Variants in NCAM2 observed in about 807,000 individuals in gnomAD.
The protein encoded by NCAM2 is neural cell adhesion molecule 2, also known as N-CAM-2.
A neutral mutation model predicts 98.1 loss-of-function variants in NCAM2; 30 were observed. That is an observed-to-expected ratio of 0.31 (90% confidence interval 0.23 to 0.41). NCAM2 has a LOEUF of 0.41. NCAM2 is among the 10% of genes least tolerant of loss of function. NCAM2 has a pLI of 1.00. For synonymous variants in NCAM2, 368 were observed against 342.4 expected (o/e 1.07, Z -0.83); for missense variants, 867 against 1,005.8 (o/e 0.86, Z 1.87).
rs1482525617 is a variant in NCAM2, at chr21:21,509,192, G to A, written c.2282+137G>A. The A allele has an allele frequency of 1.3e-5, 9 of 702,556 alleles. No homozygotes were observed. The East Asian group carries it at 1.9e-4, about 15-fold the overall frequency. The allele number at this position is 702,556 out of a possible 1,614,324, so 43.5% of individuals were successfully genotyped here. On this transcript the variant is annotated intron_variant, in intron 16 of 17. Coordinates refer to ENST00000400546, the MANE Select transcript of NCAM2 (RefSeq NM_004540.5). ...TGCAACATTGGACACTGCACTGCCT[G>A]CTCTCTGACCTTGAAACTATGTATC...
chr21:21,424,469 T>C (rs1370672614), intron 11 of NCAM2, among the ~76,000 whole-genome samples: 1 of 152,100 alleles, frequency 6.6e-6, no homozygotes, highest in Non-Finnish European at 1.5e-5. Context: ...GAATTCTGAT[T>C]GGAGTTCTTG....
chr21:21,161,233 C>G (rs1023282784), intron 1 of NCAM2, among the ~76,000 whole-genome samples: 3 of 151,300 alleles, frequency 2.0e-5, no homozygotes, highest in Non-Finnish European at 1.5e-5. Flanking sequence ...ATTAGGGAAA[C>G]CAATGATTAT....
intron 1 of NCAM2, among the ~76,000 whole-genome samples, chr21:21,205,042 A>T (rs1289912786): frequency 2.6e-5 from 4 of 152,146 alleles, no homozygotes; most frequent in Non-Finnish European, 4.4e-5. Context: ...ATATATATAT[A>T]TATGCAAGTG....
chr21:21,221,725 G>A (rs1042444319), intron 1 of NCAM2, among the ~76,000 whole-genome samples: 3 of 152,278 alleles, frequency 2.0e-5, no homozygotes, highest in Non-Finnish European at 4.4e-5. Context: ...TCATAAAAAT[G>A]TTAGGTGAAT....
chr21:21,083,697 G>A (rs1019257574), intron 1 of NCAM2, among the ~76,000 whole-genome samples: 2 of 152,014 alleles, frequency 1.3e-5, no homozygotes, highest in Non-Finnish European at 2.9e-5. Context: ...TTACAGATGT[G>A]AGCCACCACC....
At chr21:21,181,150 C>T (rs1405305404) in intron 1 of NCAM2, among the ~76,000 whole-genome samples, 1 of 152,074 alleles carries the variant, frequency 6.6e-6, no homozygotes, top group Non-Finnish European at 1.5e-5. Context: ...TTTTGTATGC[C>T]TTTGCCTAGA....
rs375749800 is a variant in NCAM2, at chr21:21,013,496, C to T, written c.55+14878C>T. On this transcript the variant is annotated intron_variant, in intron 1 of 17. Transcript: ENST00000400546. ...TTGGAAGCAAGCATAAATTAGTTCA[C>T]GAGGGCCGGACGTGGTGGCTCACAC... 9.9e-5 allele frequency among the ~76,000 whole-genome samples: 15 copies of T among 152,150 alleles called. No homozygotes were observed. The South Asian group carries it at 2.7e-3, about 27-fold the overall frequency.
intron 11 of NCAM2, among the ~76,000 whole-genome samples, chr21:21,420,705 C>G (rs1307124442): frequency 6.6e-6 from 1 of 151,642 alleles, no homozygotes; most frequent in Non-Finnish European, 1.5e-5. Flanking sequence ...CTTAGAGAAC[C>G]TGCTATTCTC....
intron 1 of NCAM2, among the ~76,000 whole-genome samples, chr21:21,010,569 A>C (rs566965327): frequency 6.6e-6 from 1 of 152,232 alleles, no homozygotes; most frequent in South Asian, 2.1e-4. Context: ...TTTGATGAAC[A>C]GTGACTTCTT....
intron 1 of NCAM2, among the ~76,000 whole-genome samples, chr21:21,073,925 A>G (rs905120790): frequency 1.3e-5 from 2 of 152,212 alleles, no homozygotes; most frequent in Non-Finnish European, 2.9e-5. Context: ...TTGAGGATTT[A>G]AAGTGACTAG....
chr21:21,265,477 A>G (rs1015527138), intron 1 of NCAM2, among the ~76,000 whole-genome samples: 3 of 142,242 alleles, frequency 2.1e-5, no homozygotes, highest in Non-Finnish European at 3.0e-5. Flanking sequence ...GTGTATATAT[A>G]TTATATATAC....
intron 16 of NCAM2, among the ~76,000 whole-genome samples, chr21:21,513,269 T>C (rs1053869512): frequency 1.3e-5 from 2 of 152,108 alleles, no homozygotes; most frequent in Admixed American, 1.3e-4. Context: ...CTTCCAGTTC[T>C]TTAAGATGCA....
chr21:21,424,987 G>A (rs1023785919), intron 11 of NCAM2, among the ~76,000 whole-genome samples: 2 of 123,182 alleles, frequency 1.6e-5, no homozygotes, highest in Non-Finnish European at 3.1e-5. Context: ...AGTGAGCTGA[G>A]ATCACACCAT....
At chr21:21,233,662 G>C (rs368156942) in intron 1 of NCAM2, among the ~76,000 whole-genome samples, 1 of 151,582 alleles carries the variant, frequency 6.6e-6, no homozygotes, top group Non-Finnish European at 1.5e-5. Flanking sequence ...GAGTACAAAC[G>C]ATGTTTTGGC....
chr21:21,236,013 G>A (rs1041473798), intron 1 of NCAM2, among the ~76,000 whole-genome samples: 1 of 152,030 alleles, frequency 6.6e-6, no homozygotes, highest in Non-Finnish European at 1.5e-5. Context: ...CTTGAATGAA[G>A]TCAAGCACCC....
At chr21:21,402,455 C>T (rs2076651705) in intron 9 of NCAM2, among the ~76,000 whole-genome samples, 1 of 152,110 alleles carries the variant, frequency 6.6e-6, no homozygotes, top group African/African-American at 2.4e-5. Flanking sequence ...CAGACTGGTT[C>T]TCTGCTCTCA....
rs534075354 is a variant in NCAM2, at chr21:21,049,247, C to A, written c.55+50629C>A. 8.6e-5 allele frequency among the ~76,000 whole-genome samples: 13 copies of A among 150,736 alleles called. No individual in the cohort carries two copies. The South Asian group carries it at 1.7e-3, about 20-fold the overall frequency. On this transcript the variant is annotated intron_variant, in intron 1 of 17. Coordinates refer to ENST00000400546, the MANE Select transcript of NCAM2 (RefSeq NM_004540.5). ...TGTTAGCCAGGATAGTCTCGATCTCCTGACCTCATGATCCACCCGCCTCGG... is the reference window on the plus strand; with the variant it reads ...TGTTAGCCAGGATAGTCTCGATCTCATGACCTCATGATCCACCCGCCTCGG...
chr21:21,505,850 T>C (rs1987946772), intron 15 of NCAM2, among the ~76,000 whole-genome samples: 1 of 152,036 alleles, frequency 6.6e-6, no homozygotes, highest in Non-Finnish European at 1.5e-5. Context: ...CATTACCACA[T>C]TCACACAATC....
intron 9 of NCAM2, among the ~76,000 whole-genome samples, chr21:21,379,942 G>A (rs2076115664): frequency 6.6e-6 from 1 of 152,088 alleles, no homozygotes; most frequent in African/African-American, 2.4e-5. Flanking sequence ...CTTGTCCAAT[G>A]TTCGAGGACA....
Sources: gnomAD v4.1 joint callset for allele counts (sites outside exome capture counted in the v4.1 genomes callset) on GRCh38, gnomAD v4.1.1 for gene constraint, MANE v1.5 for transcripts, NCBI Gene and HGNC (gene_info 2026-07-23, HGNC 2026-07-21) for gene names.